Variants in ZC2HC1A observed in about 807,000 individuals in gnomAD.
ZC2HC1A encodes zinc finger C2HC domain-containing protein 1A.
In ZC2HC1A, 28 loss-of-function variants were observed where a neutral mutation model predicts 40.7. That is an observed-to-expected ratio of 0.69 (90% confidence interval 0.51 to 0.94). The LOEUF (loss-of-function observed/expected upper bound fraction) is 0.94. Ranked by LOEUF, ZC2HC1A falls within the 40% of genes least tolerant of loss-of-function variation. The pLI, the probability that ZC2HC1A is intolerant of heterozygous loss-of-function variation, is 0.00. For synonymous variants in ZC2HC1A, 129 were observed against 129.2 expected (o/e 1.00, Z 0.01); for missense variants, 389 against 386.3 (o/e 1.01, Z -0.06).
intron 5 of ZC2HC1A, among the ~76,000 whole-genome samples, chr8:78,696,939 C>T (rs1396511662): frequency 6.6e-6 from 1 of 152,174 alleles, no homozygotes; most frequent in Non-Finnish European, 1.5e-5. Flanking sequence ...AAAATCTTAA[C>T]TTTGAGGAAG....
intron 1 of ZC2HC1A, among the ~76,000 whole-genome samples, chr8:78,673,770 G>C (rs776973988): frequency 1.3e-5 from 2 of 152,130 alleles, no homozygotes; most frequent in Non-Finnish European, 2.9e-5. Flanking sequence ...TCTATGACCA[G>C]CTAATATTAG....
intron 1 of ZC2HC1A, 109 bp downstream of exon 1, chr8:78,666,273 T>TCGCCGCGTCC: frequency 3.3e-6 from 5 of 1,494,456 alleles, no homozygotes; most frequent in Non-Finnish European, 3.6e-6. Context: ...GCGGCGGACC[T>TCGCCGCGTCC]CGCCGCGTCC....
intron 7 of ZC2HC1A, among the ~76,000 whole-genome samples, chr8:78,711,493 C>CT (rs1240993119): frequency 2.0e-5 from 3 of 151,874 alleles, no homozygotes; most frequent in African/African-American, 4.8e-5. Context: ...AATAAAGTCA[C>CT]TTTTTTGTTA....
At chr8:78,675,979 AC>A (rs1249110103) in intron 2 of ZC2HC1A, 116 bp downstream of exon 2, 1 of 784,944 alleles carries the variant, frequency 1.3e-6, no homozygotes, top group Admixed American at 2.5e-5. Flanking sequence ...GTTAATGGGT[AC>A]TATTCTTTGT....
At chr8:78,669,038 T>G (rs1809374467) in intron 1 of ZC2HC1A, among the ~76,000 whole-genome samples, 1 of 151,924 alleles carries the variant, frequency 6.6e-6, no homozygotes, top group Admixed American at 6.6e-5. Context: ...TGCTCTTCAG[T>G]GTAGCCCTTG....
Position 78,718,919 on chromosome 8 carries a change from A to G in ZC2HC1A, c.*1426A>G, listed in dbSNP as rs1332458391. 2.0e-5 allele frequency: 3 copies of G among 151,684 alleles called. No individual in the cohort carries two copies. Among genetic ancestry groups the G allele is most frequent in the African/African-American group, 7.2e-5 (3 of 41,402 alleles). The allele number at this position is 151,684 out of a possible 1,614,324, so 9.4% of individuals were successfully genotyped here. A position where few individuals can be genotyped will look rare whatever the true frequency, so the allele number is the denominator to read the frequency against. ...ATCAACTATAAGACACAATGTAAAGAATTGTGGCTTATAATTTATCTGAAA... is the reference window on the plus strand; with the variant it reads ...ATCAACTATAAGACACAATGTAAAGGATTGTGGCTTATAATTTATCTGAAA... On this transcript the variant is annotated 3_prime_UTR_variant, in exon 9 of 9. Transcript: ENST00000263849.
chr8:78,714,874 T>G (rs1185946717), intron 7 of ZC2HC1A, among the ~76,000 whole-genome samples: 4 of 152,200 alleles, frequency 2.6e-5, no homozygotes, highest in Admixed American at 2.6e-4. Context: ...TTAACCATTA[T>G]CCGTAAGCAT....
intron 4 of ZC2HC1A, among the ~76,000 whole-genome samples, chr8:78,687,770 TTATATATATATTTAC>T (rs1810058880): frequency 1.5e-4 from 4 of 25,854 alleles, no homozygotes; most frequent in Non-Finnish European, 2.5e-4. Context: ...ACGTAAGACA[TTATATATATATTTAC>T]GTAATACATT....
At chr8:78,696,370 G>GTA (rs1447260377) in intron 5 of ZC2HC1A, among the ~76,000 whole-genome samples, 1 of 152,076 alleles carries the variant, frequency 6.6e-6, no homozygotes, top group East Asian at 1.9e-4. Context: ...TCTTGATACC[G>GTA]TATTGGGCTA....
At chr8:78,674,524 T>C (rs1417934948) in intron 1 of ZC2HC1A, among the ~76,000 whole-genome samples, 1 of 152,112 alleles carries the variant, frequency 6.6e-6, no homozygotes, top group East Asian at 1.9e-4. Context: ...ATAAATGAGA[T>C]TGCCCTCCCT....
At chr8:78,699,139 A>G (rs1257030729) in intron 7 of ZC2HC1A, among the ~76,000 whole-genome samples, 1 of 146,896 alleles carries the variant, frequency 6.8e-6, no homozygotes, top group African/African-American at 2.5e-5. Context: ...CTGTTAGGAA[A>G]ATGTTAGCTA....
intron 4 of ZC2HC1A, among the ~76,000 whole-genome samples, chr8:78,687,873 A>T (rs1260567116): frequency 7.5e-6 from 1 of 134,206 alleles, no homozygotes; most frequent in Non-Finnish European, 1.6e-5. Context: ...TCTATATAAT[A>T]AATATATATT....
At chr8:78,688,309 C>T (rs1288138738) in intron 4 of ZC2HC1A, among the ~76,000 whole-genome samples, 1 of 151,954 alleles carries the variant, frequency 6.6e-6, no homozygotes, top group Non-Finnish European at 1.5e-5. Context: ...TCTTCAGGAT[C>T]GTTTGGGCTT....
In ZC2HC1A at chr8:78,698,413, G is replaced by A; in HGVS notation, c.605-1G>A. 6.2e-7 allele frequency: 1 copy of A among 1,606,598 alleles called. No homozygotes were observed. Among genetic ancestry groups the A allele is most frequent in the Non-Finnish European group, 8.5e-7 (1 of 1,176,696 alleles). On this transcript the variant is annotated splice_acceptor_variant, in intron 6 of 8. Transcript: ENST00000263849. LOFTEE classifies it high-confidence loss of function. ...TAAAAATAATGCTTTTTTATTATAA[G>A]GTGTTCCTTCAGGTAAAGTGTCTTC...
chr8:78,701,444 G>A (rs1404284459), intron 7 of ZC2HC1A, among the ~76,000 whole-genome samples: 3 of 152,202 alleles, frequency 2.0e-5, no homozygotes, highest in African/African-American at 7.2e-5. Flanking sequence ...TGCCAGCAGG[G>A]ATAGTTTGAC....
chr8:78,698,901 C>G (rs149432016), intron 7 of ZC2HC1A, among the ~76,000 whole-genome samples: 97 of 152,174 alleles, frequency 6.4e-4, no homozygotes, highest in African/African-American at 2.1e-3. Flanking sequence ...AAAAGAAGAT[C>G]AGAGAAGCTC....
intron 1 of ZC2HC1A, among the ~76,000 whole-genome samples, chr8:78,668,142 C>G (rs958863547): frequency 2.0e-5 from 3 of 151,916 alleles, no homozygotes; most frequent in African/African-American, 7.3e-5. Flanking sequence ...TAGGATGGTG[C>G]CTTTCTCTCC....
chr8:78,708,461 T>C lies in ZC2HC1A; in HGVS notation c.705-6760T>C, dbSNP rs1458857879. On this transcript the variant is annotated intron_variant, in intron 7 of 8. Coordinates refer to ENST00000263849, the MANE Select transcript of ZC2HC1A (RefSeq NM_016010.3). ...GGGAGAGTGAGGTGGGAGAGTCGCT[T>C]GAACCCAGGAGTTTGAGACTTGCCT... Among the ~76,000 whole-genome samples the C allele has an allele frequency of 5.3e-5, 8 of 152,194 alleles. No individual in the cohort carries two copies. The East Asian group carries it at 5.8e-4, about 11-fold the overall frequency.
At chr8:78,689,498 T>C in intron 5 of ZC2HC1A, 125 bp downstream of exon 5, 1 of 807,088 alleles carries the variant, frequency 1.2e-6, no homozygotes, top group Admixed American at 4.0e-5. Flanking sequence ...ATATATAGTT[T>C]TATATATCTA....
Sources: gnomAD v4.1 joint callset for allele counts (sites outside exome capture counted in the v4.1 genomes callset) on GRCh38, gnomAD v4.1.1 for gene constraint, MANE v1.5 for transcripts, NCBI Gene and HGNC (gene_info 2026-07-23, HGNC 2026-07-21) for gene names.